Variants in NOC3L observed in about 807,000 individuals in gnomAD.
NOC3L encodes NOC3 like DNA replication regulator.
NOC3L carries 85 observed loss-of-function variants against 102.5 expected under a neutral mutation model. The observed-to-expected ratio is 0.83, with a 90% CI of 0.70 to 0.99. The LOEUF (loss-of-function observed/expected upper bound fraction) is 0.99. NOC3L is among the 50% of genes least tolerant of loss of function. The pLI is 0.00. For synonymous variants in NOC3L, 303 were observed against 309.4 expected, an observed-to-expected ratio of 0.98 and a Z score of 0.22; for missense variants, 878 against 914.9, an observed-to-expected ratio of 0.96 and a Z score of 0.52.
intron 19 of NOC3L, among the ~76,000 whole-genome samples, chr10:94,335,771 G>T (rs748400489): frequency 8.5e-5 from 13 of 152,094 alleles, no homozygotes; most frequent in Non-Finnish European, 1.5e-4. Flanking sequence ...AGAAAAATCG[G>T]CCTGGCCCAC....
chr10:94,340,040 C>A (rs1467624304), intron 16 of NOC3L, 120 bp from the exon 17 acceptor site: 1 of 879,202 alleles, frequency 1.1e-6, no homozygotes, highest in Non-Finnish European at 1.7e-6. Context: ...TTTCTCTAAT[C>A]AATGAGGTAG....
intron 19 of NOC3L, 24 bp downstream of exon 19, chr10:94,337,753 G>A: frequency 6.6e-7 from 1 of 1,508,482 alleles, no homozygotes; most frequent in South Asian, 1.1e-5. Context: ...TGTAGTTTTA[G>A]AATAAGGCAA....
At chr10:94,354,346 G>C (rs1314356779) in intron 6 of NOC3L, among the ~76,000 whole-genome samples, 1 of 152,050 alleles carries the variant, frequency 6.6e-6, no homozygotes, top group African/African-American at 2.4e-5. Context: ...TCACCACAAA[G>C]TTTTGAAAAA....
chr10:94,356,645 CTG>C (rs2054489034), intron 4 of NOC3L, 54 bp from the exon 5 acceptor site: 11 of 1,086,574 alleles, frequency 1.0e-5, no homozygotes, highest in African/African-American at 3.1e-5. Context: ...GTGGTAAAAA[CTG>C]TAAAGAAATG....
intron 13 of NOC3L, among the ~76,000 whole-genome samples, chr10:94,342,655 AC>A (rs11330050): frequency 0.012 from 1,846 of 151,754 alleles, 46 homozygotes; most frequent in African/African-American, 0.042. Context: ...AAAATGGAGC[AC>A]TATAAATTTT....
At chr10:94,346,604 C>T (rs1343176097) in intron 10 of NOC3L, 48 bp from the exon 11 acceptor site, 5 of 1,097,718 alleles carry the variant, frequency 4.6e-6, no homozygotes, top group Non-Finnish European at 4.9e-6. Context: ...ATTTATATTG[C>T]CCTCAAAAAC....
In NOC3L at chr10:94,341,741, C is replaced by T; in HGVS notation, c.1576G>A (p.Ala526Thr). The change falls in exon 14 of 21, where the codon GCT (alanine) becomes ACT (threonine). Residue 526 changes from alanine (A) to threonine (T), a missense_variant. By Grantham distance (58) the Ala-to-Thr change is moderately conservative. Coordinates refer to ENST00000371361, the MANE Select transcript of NOC3L (RefSeq NM_022451.11). ...PAVLEGLAKF[A>T]HLINVEFFDD... ...AAAAATTCCACATTTATAAGGTGAG[C>T]AAACCTGGAATCAAACAAAACAGTT... The T allele has an allele frequency of 6.5e-7, 1 of 1,545,846 alleles. No homozygotes were observed. Among genetic ancestry groups the T allele is most frequent in the South Asian group, 1.3e-5 (1 of 77,434 alleles).
intron 1 of NOC3L, 169 bp from the exon 2 acceptor site, chr10:94,362,041 G>C: frequency 1.5e-6 from 1 of 675,116 alleles, no homozygotes; most frequent in Non-Finnish European, 2.7e-6. Context: ...TCCTACAGAA[G>C]AGCGCTACAG....
chr10:94,361,409 G>A (rs2054549884), intron 2 of NOC3L: 3 of 466,882 alleles, frequency 6.4e-6, no homozygotes, highest in Admixed American at 3.9e-5. Flanking sequence ...GTTTTCCCAA[G>A]TAGTGCATCT....
chr10:94,322,573 T>A, the NOC3L span, among the ~76,000 whole-genome samples: 2 of 151,940 alleles, frequency 1.3e-5, no homozygotes, highest in South Asian at 2.1e-4. Flanking sequence ...TTGCCTGAGG[T>A]CAGGAGTTCG....
chr10:94,319,050 A>AAAAC, the NOC3L span, among the ~76,000 whole-genome samples: 2 of 152,288 alleles, frequency 1.3e-5, no homozygotes, highest in South Asian at 2.1e-4. Context: ...TTCATCTTTA[A>AAAAC]AAACAAAAAA....
chr10:94,325,576 TGA>T, the NOC3L span: 1 of 148,846 alleles, frequency 6.7e-6, no homozygotes, highest in African/African-American at 2.5e-5. Flanking sequence ...GCCTGGGCAA[TGA>T]GAGTGAAAAC....
At chr10:94,343,804 T>C (rs2054313111) in intron 13 of NOC3L, among the ~76,000 whole-genome samples, 1 of 152,324 alleles carries the variant, frequency 6.6e-6, no homozygotes, top group Non-Finnish European at 1.5e-5. Context: ...TATATAAAAA[T>C]TAATTTCACC....
chr10:94,346,764 C>T (rs1030815474), intron 10 of NOC3L, among the ~76,000 whole-genome samples: 22 of 152,082 alleles, frequency 1.4e-4, no homozygotes, highest in African/African-American at 5.1e-4. Flanking sequence ...ACATACAAAA[C>T]GGACGCTAGC....
At chr10:94,356,504 T>C in intron 5 of NOC3L, 31 bp downstream of exon 5, 1 of 1,403,284 alleles carries the variant, frequency 7.1e-7, no homozygotes, top group East Asian at 2.3e-5. Context: ...AATTCTCAAT[T>C]AACAATTTAG....
At chr10:94,334,852 C>T in intron 19 of NOC3L, 134 bp from the exon 20 acceptor site, 3 of 644,110 alleles carry the variant, frequency 4.7e-6, no homozygotes, top group Middle Eastern at 4.3e-4. Flanking sequence ...ACCAACCAAT[C>T]CAGTCACTTA....
At chr10:94,324,654 T>TCC in the NOC3L span, 1 of 1,176,458 alleles carries the variant, frequency 8.5e-7, no homozygotes, top group African/African-American at 1.5e-5. Context: ...TGGTGAAATT[T>TCC]AGGAGAAAGT....
At chr10:94,341,116 T>C (rs2133988385) in intron 14 of NOC3L, among the ~76,000 whole-genome samples, 1 of 151,868 alleles carries the variant, frequency 6.6e-6, no homozygotes, top group East Asian at 1.9e-4. Flanking sequence ...AAGGCTGCAG[T>C]GAGCTGTGAT....
At chr10:94,327,811 A>G in the NOC3L span, among the ~76,000 whole-genome samples, 1 of 152,218 alleles carries the variant, frequency 6.6e-6, no homozygotes, top group Non-Finnish European at 1.5e-5. Flanking sequence ...TCCTAGAAAC[A>G]TCATGTTCTA....
Sources: gnomAD v4.1 joint callset for allele counts (sites outside exome capture counted in the v4.1 genomes callset) on GRCh38, gnomAD v4.1.1 for gene constraint, MANE v1.5 for transcripts, NCBI Gene and HGNC (gene_info 2026-07-23, HGNC 2026-07-21) for gene names.